The following DHX9 variants were observed in gnomAD, a reference collection of about 807,000 sequenced individuals.
DHX9 encodes the protein ATP-dependent RNA helicase A.
In DHX9, 27 loss-of-function variants were observed where a neutral mutation model predicts 148.7. That is an observed-to-expected ratio of 0.18 (90% CI 0.13 to 0.25). DHX9 has a LOEUF of 0.25. DHX9 is among the 10% of genes least tolerant of loss of function. The probability of loss-of-function intolerance (pLI) is 1.00; values close to 1 mark genes in which losing one functional copy is unlikely to be tolerated. For synonymous variants in DHX9, 529 were observed against 516.6 expected, an observed-to-expected ratio of 1.02 and a Z score of -0.33; for missense variants, 796 against 1,559.6, an observed-to-expected ratio of 0.51 and a Z score of 8.25.
intron 16 of DHX9, 88 bp downstream of exon 16, chr1:182,875,042 C>G: frequency 1.9e-6 from 2 of 1,029,076 alleles, no homozygotes; most frequent in Non-Finnish European, 3.0e-6. Flanking sequence ...AATGTATTAG[C>G]ATTACAGCAA....
At position 182,858,801 on chromosome 1, in the gene DHX9, A is replaced by C; in HGVS notation, c.969A>C (p.Arg323=). ...GKLAQFEPSQ[R]QNQVGVVPWS... is the part of the protein sequence containing the mutation. ...TGGCTCAGTTCGAACCATCTCAGCG[A>C]CAAAACCAAGTGGGTGTGGTTCCTT... Residue 323 remains arginine (R), a synonymous_variant, in exon 10 of 28, where the codon CGA becomes CGC. Coordinates refer to ENST00000367549, the MANE Select transcript of DHX9 (RefSeq NM_001357.5). 3.7e-6 allele frequency: 6 copies of C among 1,614,190 alleles called. No individual in the cohort carries two copies. Among genetic ancestry groups the C allele is most frequent in the Non-Finnish European group, 5.1e-6 (6 of 1,180,034 alleles).
rs754349646 is a variant in DHX9 at position 182,878,147 on chromosome 1, C to T, written c.2325C>T (p.His775=). The change falls in exon 20 of 28, where the codon CAC becomes CAT. Residue 775 remains histidine (H), a synonymous_variant. Transcript: ENST00000367549. ...GAGTACGGCCTGGATTCTGCTTTCA[C>T]CTGTGCAGCCGAGCTCGTTTTGAGA... ...AGRVRPGFCF[H]LCSRARFERL... is the part of the protein sequence containing the mutation. 1.2e-4 allele frequency: 193 copies of T among 1,614,074 alleles called. 4 individuals carry two copies. The South Asian group carries it at 2.1e-3, about 17-fold the overall frequency.
intron 6 of DHX9, among the ~76,000 whole-genome samples, chr1:182,856,011 C>T (rs899167973): frequency 4.6e-5 from 7 of 152,222 alleles, no homozygotes; most frequent in African/African-American, 1.2e-4. Flanking sequence ...CTTCCAACTG[C>T]AGGCAGATGT....
chr1:182,852,488 A>G (rs1311021672), intron 4 of DHX9, 144 bp downstream of exon 4: 7 of 531,278 alleles, frequency 1.3e-5, no homozygotes, highest in Non-Finnish European at 2.3e-5. Flanking sequence ...AAATTTGCAC[A>G]TATTACCAGA....
At chr1:182,853,444 C>G (rs775657037) in intron 5 of DHX9, 26 bp downstream of exon 5, 2 of 1,539,094 alleles carry the variant, frequency 1.3e-6, no homozygotes, top group Non-Finnish European at 8.9e-7. Flanking sequence ...TAGGTTACAT[C>G]TCTGAGAATG....
At position 182,880,423 on chromosome 1, in the gene DHX9, A is replaced by G. The variant is rs987036389; in HGVS notation, c.2513-74A>G. On this transcript the variant is annotated intron_variant, in intron 21 of 27. Coordinates refer to ENST00000367549, the MANE Select transcript of DHX9 (RefSeq NM_001357.5). Reference sequence around the variant, plus strand: ...GGAACTCTAAACTGTCTTAACCTTAATTTAGAGTAATGTTTTGTCTGCCTA... The same window carrying G: ...GGAACTCTAAACTGTCTTAACCTTAGTTTAGAGTAATGTTTTGTCTGCCTA... The G allele has an allele frequency of 2.9e-5, 29 of 996,124 alleles. No individual in the cohort carries two copies. The African/African-American group carries it at 3.9e-4, about 13-fold the overall frequency. 61.7% of individuals were successfully genotyped at this position (996,124 alleles called of 1,614,324 possible). A position where few individuals can be genotyped will look rare whatever the true frequency, so the allele number is the denominator to read the frequency against.
In DHX9 at chr1:182,887,235, C is replaced by G; in HGVS notation, c.3614C>G (p.Ser1205Cys). ...GGAGGCTATGGTGGCAGCGCCAACT[C>G]CTTTCGGGCAGGATATGGTGCAGGT... ...GSGGYGGSANSFRAGYGAGVG... is the reference protein window; with the variant it reads ...GSGGYGGSANCFRAGYGAGVG... The change falls in exon 28 of 28, where the codon TCC becomes TGC. Residue 1205 changes from serine to cysteine, a missense_variant. By Grantham distance (112) the Ser-to-Cys change is moderately radical. Transcript: ENST00000367549. The G allele has an allele frequency of 1.9e-6, 3 of 1,614,078 alleles. No homozygotes were observed. The highest frequency in any genetic ancestry group is 2.5e-6 in the Non-Finnish European group (3 of 1,180,036).
chr1:182,858,738 A>G lies in DHX9; in HGVS notation c.906A>G (p.Glu302=). ...TTTTTCTTATTTTTTAATAGCCTGAAGATCCTTCTGTGCCAGTTGCACTCA... is the reference window on the plus strand; with the variant it reads ...TTTTTCTTATTTTTTAATAGCCTGAGGATCCTTCTGTGCCAGTTGCACTCA... ...ELNLEILPPP[E]DPSVPVALNI... is the part of the protein sequence containing the mutation. Residue 302 remains glutamate (E), a synonymous_variant, in exon 10 of 28, where the codon GAA becomes GAG. Coordinates refer to ENST00000367549, the MANE Select transcript of DHX9 (RefSeq NM_001357.5). The G allele has an allele frequency of 6.2e-7, 1 of 1,614,058 alleles. No homozygotes were observed. The highest frequency in any genetic ancestry group is 8.5e-7 in the Non-Finnish European group (1 of 1,179,974).
At chr1:182,843,699 A>G (rs1363792907) in intron 3 of DHX9, among the ~76,000 whole-genome samples, 2 of 152,196 alleles carry the variant, frequency 1.3e-5, no homozygotes, top group African/African-American at 4.8e-5. Context: ...TATACACCAG[A>G]AATTTCAGAG....
At chr1:182,880,474 C>A (rs778217745) in intron 21 of DHX9, 23 bp from the exon 22 acceptor site, 2 of 1,499,090 alleles carry the variant, frequency 1.3e-6, no homozygotes, top group South Asian at 1.1e-5. Context: ...TGTTTCTGCT[C>A]ACAAAGAACT....
intron 6 of DHX9, among the ~76,000 whole-genome samples, chr1:182,855,239 A>G (rs1483685537): frequency 2.0e-5 from 3 of 151,046 alleles, no homozygotes; most frequent in South Asian, 2.1e-4. Flanking sequence ...TGTCTTTCTG[A>G]ACGCATTGGG....
chr1:182,871,667 A>G (rs1233343761), intron 14 of DHX9, among the ~76,000 whole-genome samples: 1 of 152,246 alleles, frequency 6.6e-6, no homozygotes, highest in East Asian at 1.9e-4. Context: ...ATATATTCAT[A>G]CACTGGGACA....
At chr1:182,870,398 A>G (rs918968484) in intron 14 of DHX9, among the ~76,000 whole-genome samples, 4 of 152,254 alleles carry the variant, frequency 2.6e-5, no homozygotes, top group Non-Finnish European at 5.9e-5. Flanking sequence ...TGGTTTACAG[A>G]TAACAAGACT....
At chr1:182,847,566 CA>C (rs1416405031) in intron 3 of DHX9, among the ~76,000 whole-genome samples, 1 of 152,162 alleles carries the variant, frequency 6.6e-6, no homozygotes, top group African/African-American at 2.4e-5. Context: ...AAGGGTTAGC[CA>C]GAGATTTCAA....
chr1:182,842,326 T>C (rs1667947833), intron 1 of DHX9, among the ~76,000 whole-genome samples: 1 of 152,238 alleles, frequency 6.6e-6, no homozygotes, highest in Non-Finnish European at 1.5e-5. Context: ...GTCTTGATCA[T>C]GTATATGTAC....
intron 26 of DHX9, 104 bp from the exon 27 acceptor site, chr1:182,884,509 G>T: frequency 2.0e-6 from 2 of 996,998 alleles, no homozygotes; most frequent in Non-Finnish European, 3.0e-6. Flanking sequence ...TAATGCTTAA[G>T]AAGTTAAATT....
In DHX9 at chr1:182,867,122, C is replaced by T. The variant is rs555948434; in HGVS notation, c.1557+79C>T. On this transcript the variant is annotated intron_variant, in intron 14 of 27. Coordinates refer to ENST00000367549, the MANE Select transcript of DHX9 (RefSeq NM_001357.5). ...AATCAGTAGAATGTCTTTGTTTTCC[C>T]TTTCCCCCGTTTTTATCATTATCAA... 1.3e-4 allele frequency: 115 copies of T among 871,006 alleles called. 4 individuals carry two copies. The South Asian group carries it at 2.8e-3, about 21-fold the overall frequency. The allele number at this position is 871,006 out of a possible 1,614,324, so 54.0% of individuals were successfully genotyped here.
chr1:182,884,448 C>T (rs1009694828), intron 26 of DHX9, among the ~76,000 whole-genome samples, 165 bp from the exon 27 acceptor site: 5 of 151,206 alleles, frequency 3.3e-5, no homozygotes, highest in African/African-American at 1.2e-4. Context: ...CTCTTCATAT[C>T]TGTGTTTGCC....
rs1309233600 is a variant in DHX9 at position 182,843,438 on chromosome 1, A to G, written c.252+4A>G. ...TGAAGAAGTTCCAGCTTTTGGGGTA[A>G]GTACCTATGGCGAAGCACTTGAGAT... is the stretch of plus-strand genomic sequence containing the variant. On this transcript the variant is annotated splice_donor_region_variant and intron_variant, in intron 3 of 27. Transcript: ENST00000367549. 1.3e-6 allele frequency: 2 copies of G among 1,595,636 alleles called. No individual in the cohort carries two copies. The highest frequency in any genetic ancestry group is 1.4e-5 in the African/African-American group (1 of 73,638).
Sources: allele counts gnomAD v4.1 joint callset (sites outside exome capture counted in the v4.1 genomes callset), GRCh38; gene constraint gnomAD v4.1.1; transcripts MANE v1.5; gene names NCBI Gene and HGNC (gene_info 2026-07-23, HGNC 2026-07-21).